Variants in HDAC8 observed in about 807,000 individuals in gnomAD.
HDAC8 encodes histone deacetylase 8, also known as histone deacetylase-like 1.
Under a neutral mutation model 32.2 loss-of-function variants are expected in HDAC8, and 1 was observed. The observed-to-expected ratio is 0.03, with a 90% CI of 0.01 to 0.15. HDAC8 has a LOEUF of 0.15. Among genes scored for constraint, HDAC8 ranks in the 10% least tolerant of loss-of-function variants. HDAC8 has a pLI of 1.00. For missense variants in HDAC8, 117 were observed against 300.0 expected, an observed-to-expected ratio of 0.39 and a Z score of 4.51; for synonymous variants, 108 against 113.9, an observed-to-expected ratio of 0.95 and a Z score of 0.33.
intron 9 of HDAC8, among the ~76,000 whole-genome samples, chrX:72,385,940 C>A (rs1053802236): frequency 8.9e-6 from 1 of 112,232 alleles, no homozygotes; most frequent in African/African-American, 3.2e-5. Context: ...AAGGCACAGA[C>A]CTCATGATCC....
intron 9 of HDAC8, among the ~76,000 whole-genome samples, chrX:72,407,678 C>T (rs1035290144): frequency 5.4e-5 from 6 of 111,760 alleles, no homozygotes; most frequent in Admixed American, 9.5e-5. Flanking sequence ...CAAGAGTCCT[C>T]TAAAAGGCAA....
At chrX:72,441,803 T>C (rs2047158403) in intron 9 of HDAC8, among the ~76,000 whole-genome samples, 1 of 111,420 alleles carries the variant, frequency 9.0e-6, no homozygotes, top group African/African-American at 3.3e-5. Context: ...TTTAGACGAA[T>C]GTATAACTAG....
At chrX:72,570,135 C>T (rs1244456424) in intron 2 of HDAC8, among the ~76,000 whole-genome samples, 1 of 111,503 alleles carries the variant, frequency 9.0e-6, no homozygotes, top group Non-Finnish European at 1.9e-5. Context: ...TAGCCAAGAC[C>T]CAAGAATTCT....
chrX:72,428,613 AGAGGAGTACT>A (rs1369237197), intron 9 of HDAC8, among the ~76,000 whole-genome samples: 5 of 111,976 alleles, frequency 4.5e-5, no homozygotes, highest in African/African-American at 6.5e-5. Context: ...TAGAGGTAAG[AGAGGAGTACT>A]GAAGGTGAGG....
At chrX:72,568,659 A>G in intron 3 of HDAC8, 95 bp downstream of exon 3, 1 of 1,017,601 alleles carries the variant, frequency 9.8e-7, no homozygotes, top group Non-Finnish European at 1.4e-6. Context: ...GACAGTTAAC[A>G]CATGATTTCT....
intron 10 of HDAC8, among the ~76,000 whole-genome samples, chrX:72,338,686 A>AATATAT (rs10632030): frequency 2.2e-5 from 2 of 92,272 alleles, no homozygotes; most frequent in South Asian, 4.9e-4. Context: ...TATATATACA[A>AATATAT]ATATATATAT....
chrX:72,389,836 A>G (rs2045564638), intron 9 of HDAC8, among the ~76,000 whole-genome samples: 1 of 111,714 alleles, frequency 9.0e-6, no homozygotes, highest in Admixed American at 9.5e-5. Flanking sequence ...TATTTAAGTA[A>G]TATAAGAACA....
At chrX:72,456,897 G>C (rs188513085) in intron 9 of HDAC8, among the ~76,000 whole-genome samples, 2 of 110,745 alleles carry the variant, frequency 1.8e-5, no homozygotes, top group East Asian at 2.8e-4. Context: ...ATCAAAACCA[G>C]ACAAAGACAC....
chrX:72,480,453 G>A, intron 7 of HDAC8: 4 of 326,411 alleles, frequency 1.2e-5, no homozygotes, highest in South Asian at 1.1e-4. Flanking sequence ...CTTTTACACT[G>A]TTGGTGGGAG....
intron 4 of HDAC8, among the ~76,000 whole-genome samples, chrX:72,563,551 T>TAATA (rs1298930219): frequency 1.8e-5 from 2 of 111,029 alleles, no homozygotes; most frequent in Middle Eastern, 4.2e-3. Flanking sequence ...CATAAGTAAA[T>TAATA]AATAAATAAA....
intron 9 of HDAC8, among the ~76,000 whole-genome samples, chrX:72,453,501 A>AAAG (rs1459470102): frequency 9.1e-6 from 1 of 109,293 alleles, no homozygotes; most frequent in African/African-American, 3.3e-5. Context: ...AGAAAGAAAG[A>AAAG]AAGAAAGAAA....
chrX:72,509,466 G>C (rs782052099), intron 4 of HDAC8, among the ~76,000 whole-genome samples: 1 of 111,916 alleles, frequency 8.9e-6, no homozygotes, highest in Non-Finnish European at 1.9e-5. Context: ...GTGCTATGCT[G>C]TACAGTAGAT....
intron 4 of HDAC8, among the ~76,000 whole-genome samples, chrX:72,497,806 A>G (rs781830265): frequency 8.1e-5 from 9 of 111,659 alleles, no homozygotes; most frequent in Non-Finnish European, 1.5e-4. Context: ...TTGAGCTGAT[A>G]CTAAATTGAA....
rs375241209 is a variant in HDAC8 at position 72,554,091 on chromosome X, T to C, written c.437+13798A>G. On this transcript the variant is annotated intron_variant, in intron 4 of 10. Transcript: ENST00000373573. ...TGTAATTTTGGGGATTCTCTTTTTA[T>C]CTTGGTAAAATTTTAGCTACAAAAT... 3.6e-5 allele frequency among the ~76,000 whole-genome samples: 4 copies of C among 112,319 alleles called. 1 individual carries two copies. In the East Asian group the frequency reaches 1.1e-3, roughly 31 times the overall value.
At chrX:72,338,315 C>G (rs2043773586) in intron 10 of HDAC8, among the ~76,000 whole-genome samples, 1 of 111,105 alleles carries the variant, frequency 9.0e-6, no homozygotes, top group African/African-American at 3.3e-5. Flanking sequence ...GGCAGTTGAT[C>G]AAGCACTTTC....
intron 10 of HDAC8, among the ~76,000 whole-genome samples, chrX:72,343,561 A>G (rs1416024946): frequency 9.0e-6 from 1 of 111,448 alleles, no homozygotes; most frequent in Non-Finnish European, 1.9e-5. Flanking sequence ...ACTGAATAGC[A>G]TCCCTCAGAA....
chrX:72,434,521 A>G (rs1358036587), intron 9 of HDAC8, among the ~76,000 whole-genome samples: 1 of 111,231 alleles, frequency 9.0e-6, no homozygotes, highest in African/African-American at 3.3e-5. Flanking sequence ...ATATGATAAT[A>G]TTTAATTTTG....
rs146965776 is a variant in HDAC8 at position 72,523,069 on chromosome X, G to T, written c.438-27801C>A. Among the ~76,000 whole-genome samples the T allele has an allele frequency of 3.1e-3, 347 of 112,000 alleles. 1 individual carries two copies. The highest frequency in any genetic ancestry group is 0.011 in the African/African-American group (337 of 30,849). Reference sequence around the variant, plus strand: ...ATAATGCTAGGACCAATGTCATTATGTGTATTTAAAAAATACGTTTGTATA... The same window carrying T: ...ATAATGCTAGGACCAATGTCATTATTTGTATTTAAAAAATACGTTTGTATA... On this transcript the variant is annotated intron_variant, in intron 4 of 10. Transcript: ENST00000373573.
chrX:72,337,728 C>A (rs1459619040), intron 10 of HDAC8, among the ~76,000 whole-genome samples: 1 of 111,627 alleles, frequency 9.0e-6, no homozygotes, highest in Non-Finnish European at 1.9e-5. Context: ...GACCACATCA[C>A]TCCTATGCTC....
Sources: allele counts gnomAD v4.1 joint callset (sites outside exome capture counted in the v4.1 genomes callset), GRCh38; gene constraint gnomAD v4.1.1; transcripts MANE v1.5; gene names NCBI Gene and HGNC (gene_info 2026-07-23, HGNC 2026-07-21).